Variants in CDKL4 observed in about 807,000 individuals in gnomAD.
CDKL4 encodes the protein cyclin-dependent kinase-like 4.
In CDKL4, 44 loss-of-function variants were observed where a neutral mutation model predicts 42.0. The observed-to-expected ratio is 1.05, with a 90% CI of 0.82 to 1.35. The LOEUF is 1.35. CDKL4 is among the 40% of genes most tolerant of loss of function. The probability of loss-of-function intolerance (pLI) is 0.00; values close to 1 mark genes in which losing one functional copy is unlikely to be tolerated. For synonymous variants in CDKL4, 120 were observed against 121.6 expected (o/e 0.99, Z 0.09); for missense variants, 393 against 369.9 (o/e 1.06, Z -0.51).
At chr2:39,202,707 G>A (rs922778790) in intron 5 of CDKL4, among the ~76,000 whole-genome samples, 4 of 152,144 alleles carry the variant, frequency 2.6e-5, no homozygotes, top group African/African-American at 7.2e-5. Flanking sequence ...TGAATATAAT[G>A]TAAGGTAAAG....
upstream of CDKL4, among the ~76,000 whole-genome samples, chr2:39,246,950 ACT>A (rs1679939077): frequency 6.6e-6 from 1 of 152,034 alleles, no homozygotes; most frequent in Non-Finnish European, 1.5e-5. Flanking sequence ...TTGCTATGTA[ACT>A]CAGGCTGATC....
At chr2:39,175,292 A>G (rs1020448400), downstream of CDKL4, among the ~76,000 whole-genome samples, 1 of 152,226 alleles carries the variant, frequency 6.6e-6, no homozygotes, top group Non-Finnish European at 1.5e-5. Context: ...GTGATATAGC[A>G]AAGGACAGCA....
At chr2:39,238,248 T>C (rs771826394) in intron 1 of CDKL4, among the ~76,000 whole-genome samples, 7 of 152,130 alleles carry the variant, frequency 4.6e-5, no homozygotes, top group Admixed American at 6.5e-5. Flanking sequence ...CCGGTCAACA[T>C]AGTGAGACCC....
At chr2:39,189,027 T>A (rs1676011095) in intron 6 of CDKL4, among the ~76,000 whole-genome samples, 1 of 152,204 alleles carries the variant, frequency 6.6e-6, no homozygotes, top group South Asian at 2.1e-4. Flanking sequence ...CTCAGGTATG[T>A]AATGTAAATT....
chr2:39,236,442 T>C (rs1278972119), intron 1 of CDKL4, among the ~76,000 whole-genome samples: 1 of 152,140 alleles, frequency 6.6e-6, no homozygotes, highest in East Asian at 1.9e-4. Flanking sequence ...AACATTAATA[T>C]ACAGGTCTTA....
chr2:39,184,541 C>A, intron 8 of CDKL4, 50 bp downstream of exon 8: 1 of 1,326,104 alleles, frequency 7.5e-7, no homozygotes, highest in South Asian at 1.2e-5. Context: ...TTACCAGCTT[C>A]AGTCATTACA....
chr2:39,233,103 G>A (rs1679171433), intron 1 of CDKL4, among the ~76,000 whole-genome samples: 1 of 139,366 alleles, frequency 7.2e-6, no homozygotes, highest in African/African-American at 2.6e-5. Flanking sequence ...CCTAAATTCT[G>A]GAGGGGTTAT....
intron 5 of CDKL4, among the ~76,000 whole-genome samples, chr2:39,196,809 T>C (rs995062888): frequency 2.6e-5 from 4 of 152,164 alleles, no homozygotes; most frequent in Non-Finnish European, 4.4e-5. Flanking sequence ...GGTTTAGCCA[T>C]GTTGGCCAGG....
chr2:39,219,905 GC>G (rs1366834525), intron 3 of CDKL4, among the ~76,000 whole-genome samples: 1 of 152,242 alleles, frequency 6.6e-6, no homozygotes, highest in African/African-American at 2.4e-5. Flanking sequence ...CAGGTTCAGA[GC>G]TTTAATATCT....
At chr2:39,190,218 T>C (rs1484931053) in intron 6 of CDKL4, 87 bp downstream of exon 6, 12 of 935,766 alleles carry the variant, frequency 1.3e-5, no homozygotes, top group Non-Finnish European at 1.8e-5. Flanking sequence ...TCTTGTTTTT[T>C]ATTTTTATTT....
chr2:39,183,369 T>C (rs1308494631), intron 8 of CDKL4, among the ~76,000 whole-genome samples: 3 of 152,076 alleles, frequency 2.0e-5, no homozygotes, highest in Admixed American at 6.6e-5. Flanking sequence ...AACAGCACAA[T>C]CCTTGATGCA....
chr2:39,190,621 T>TA, intron 5 of CDKL4, 119 bp from the exon 6 acceptor site: 1 of 770,736 alleles, frequency 1.3e-6, no homozygotes, highest in Non-Finnish European at 2.2e-6. Context: ...TCTTAAGGGT[T>TA]AATGCATTGA....
exon 10 of CDKL4, chr2:39,175,833 T>C: frequency 1.1e-5 from 2 of 183,286 alleles, no homozygotes; most frequent in South Asian, 6.3e-5. Flanking sequence ...AGTTGGCATG[T>C]AAAACATGGG....
intron 6 of CDKL4, among the ~76,000 whole-genome samples, chr2:39,190,049 A>G (rs1676081957): frequency 6.6e-6 from 1 of 152,194 alleles, no homozygotes; most frequent in African/African-American, 2.4e-5. Context: ...AAGTAAATGT[A>G]TAGTTTATTC....
chr2:39,202,586 C>T (rs1340039080), intron 5 of CDKL4, among the ~76,000 whole-genome samples: 1 of 152,180 alleles, frequency 6.6e-6, no homozygotes, highest in Non-Finnish European at 1.5e-5. Context: ...TTTGGTGTCA[C>T]ATCCAAGAAA....
chr2:39,208,634 T>G (rs1244593532), intron 4 of CDKL4, among the ~76,000 whole-genome samples: 1 of 151,800 alleles, frequency 6.6e-6, no homozygotes, highest in African/African-American at 2.4e-5. Context: ...TGAGACACCA[T>G]GCTTGGCCTT....
chr2:39,234,208 C>T (rs983747928), intron 1 of CDKL4, among the ~76,000 whole-genome samples: 6 of 152,100 alleles, frequency 3.9e-5, no homozygotes, highest in African/African-American at 7.2e-5. Context: ...CCACTGCACC[C>T]GGCCTATATT....
At chr2:39,224,559 A>C (rs1678577802) in intron 3 of CDKL4, among the ~76,000 whole-genome samples, 1 of 145,842 alleles carries the variant, frequency 6.9e-6, no homozygotes, top group Non-Finnish European at 1.5e-5. Context: ...GCTGGAGTGC[A>C]GTGGTGTGAT....
intron 8 of CDKL4, 72 bp from the exon 9 acceptor site, chr2:39,179,393 A>G: frequency 1.7e-6 from 2 of 1,208,120 alleles, no homozygotes; most frequent in Non-Finnish European, 2.3e-6. Context: ...CACAAACTGA[A>G]TAACTTGCTA....
Sources: allele counts gnomAD v4.1 joint callset (sites outside exome capture counted in the v4.1 genomes callset), GRCh38; gene constraint gnomAD v4.1.1; transcripts MANE v1.5; gene names NCBI Gene and HGNC (gene_info 2026-07-23, HGNC 2026-07-21).